CIB1: variants seen among roughly 807,000 people sequenced by gnomAD.
CIB1 encodes the protein calcium and integrin-binding protein 1.
A neutral mutation model predicts 25.0 loss-of-function variants in CIB1; 19 were observed. The observed-to-expected ratio is 0.76, with a 90% CI of 0.53 to 1.12. The LOEUF is 1.12. Among genes scored for constraint, CIB1 ranks in the 50% most tolerant of loss-of-function variants. The probability of loss-of-function intolerance (pLI) is 0.00; values close to 1 mark genes in which losing one functional copy is unlikely to be tolerated. For synonymous variants in CIB1, 104 were observed against 98.5 expected, an observed-to-expected ratio of 1.06 and a Z score of -0.33; for missense variants, 236 against 242.6, an observed-to-expected ratio of 0.97 and a Z score of 0.18.
the CIB1 span, among the ~76,000 whole-genome samples, chr15:90,256,597 CTTTCTTTCT>C: frequency 4.0e-4 from 14 of 35,270 alleles, no homozygotes; most frequent in Admixed American, 2.9e-3. Flanking sequence ...TTCTTTCTTT[CTTTCTTTCT>C]TTCCTTCCTT....
chr15:90,250,726 C>G, the CIB1 span: 1 of 1,614,176 alleles, frequency 6.2e-7, no homozygotes. Context: ...TTACCAACCC[C>G]TCTAACTCTT....
intron 6 of CIB1, among the ~76,000 whole-genome samples, 194 bp downstream of exon 6, chr15:90,230,740 C>T (rs886564847): frequency 2.0e-5 from 3 of 151,106 alleles, no homozygotes; most frequent in Non-Finnish European, 4.4e-5. Context: ...ATGACAATGG[C>T]AGTGGGAAGG....
At chr15:90,231,536 C>T in intron 3 of CIB1, 29 bp from the exon 4 acceptor site, 2 of 1,608,808 alleles carry the variant, frequency 1.2e-6, no homozygotes, top group South Asian at 2.2e-5. Context: ...CAGGACGTGG[C>T]CCAGGTCACA....
Position 90,233,855 on chromosome 15 carries a change from C to A in CIB1, c.31G>T (p.Glu11Ter), listed in dbSNP as rs1596173484. Reference sequence around the variant, plus strand: ...CGCACCTGGTACTCGGCCAGCAGCTCCTTGGACAGGCGACTGCCCGAGCCC... The same window carrying A: ...CGCACCTGGTACTCGGCCAGCAGCTACTTGGACAGGCGACTGCCCGAGCCC... The part of the protein sequence containing the change: MGGSGSRLSK[E>*]LLAEYQDLTF... Residue 11 changes from glutamate to a stop codon, truncating the protein, a stop_gained, in exon 1 of 7, where the codon GAG (glutamate) becomes TAG (stop). Transcript: ENST00000328649. LOFTEE classifies it high-confidence loss of function. 3 of 1,525,272 alleles carry A rather than the reference C, an allele frequency of 2.0e-6. No homozygotes were observed. The highest frequency in any genetic ancestry group is 2.5e-5 in the East Asian group (1 of 40,742). 94.5% of individuals were successfully genotyped at this position (1,525,272 alleles called of 1,614,324 possible). A position where few individuals can be genotyped will look rare whatever the true frequency, so the allele number is the denominator to read the frequency against.
At chr15:90,264,544 A>T in the CIB1 span, among the ~76,000 whole-genome samples, 1 of 152,200 alleles carries the variant, frequency 6.6e-6, no homozygotes, top group Non-Finnish European at 1.5e-5. Context: ...TCAAGAGGTA[A>T]TAGGAACATG....
chr15:90,252,065 G>C, the CIB1 span, among the ~76,000 whole-genome samples: 1 of 87,506 alleles, frequency 1.1e-5, no homozygotes, highest in Non-Finnish European at 2.5e-5. Context: ...TTGAGACCGA[G>C]TTTTGCTCTT....
the CIB1 span, among the ~76,000 whole-genome samples, chr15:90,253,806 C>G: frequency 6.6e-6 from 1 of 152,156 alleles, no homozygotes; most frequent in Admixed American, 6.5e-5. Flanking sequence ...AATGATCCAC[C>G]GGGGTCCACA....
chr15:90,262,730 G>C, the CIB1 span: 1 of 1,404,494 alleles, frequency 7.1e-7, no homozygotes, highest in East Asian at 2.5e-5. Flanking sequence ...CAACTAGATA[G>C]GGGAATGAAT....
chr15:90,230,230 A>G lies in CIB1; in HGVS notation c.*254T>C, dbSNP rs556135608. 1.8e-6 allele frequency: 1 copy of G among 560,024 alleles called. No homozygotes were observed. Among genetic ancestry groups the G allele is most frequent in the East Asian group, 3.0e-5 (1 of 33,272 alleles). 34.7% of individuals were successfully genotyped at this position (560,024 alleles called of 1,614,324 possible). A position where few individuals can be genotyped will look rare whatever the true frequency, so the allele number is the denominator to read the frequency against. ...GTCCAGTCCTTCCTCATACCAGTGT[A>G]TCTCATGTCACACATAGGGTCAAAC... On this transcript the variant is annotated 3_prime_UTR_variant, in exon 7 of 7. Transcript: ENST00000328649.
At chr15:90,239,312 T>C in the CIB1 span, among the ~76,000 whole-genome samples, 1 of 137,500 alleles carries the variant, frequency 7.3e-6, no homozygotes, top group South Asian at 2.1e-4. Context: ...AAAATGTGTG[T>C]GTGTGTGTGT....
the CIB1 span, chr15:90,262,578 G>A: frequency 1.3e-6 from 2 of 1,534,778 alleles, no homozygotes; most frequent in African/African-American, 1.4e-5. Flanking sequence ...CAGAACCAGG[G>A]TGAATCAGCT....
the CIB1 span, chr15:90,264,759 T>A: frequency 6.5e-7 from 1 of 1,535,874 alleles, no homozygotes; most frequent in African/African-American, 1.4e-5. Flanking sequence ...ATAAACCGAG[T>A]CCTGGCAGGA....
chr15:90,264,659 A>G, the CIB1 span: 1 of 1,509,448 alleles, frequency 6.6e-7, no homozygotes, highest in Admixed American at 2.0e-5. Context: ...ACAGTTGGGA[A>G]AGAGGTGAAC....
At chr15:90,255,958 T>C in the CIB1 span, 2 of 1,607,298 alleles carry the variant, frequency 1.2e-6, no homozygotes, top group Non-Finnish European at 1.7e-6. Context: ...TCTGGTCTTG[T>C]GACCTAGGAA....
chr15:90,256,188 A>AT, the CIB1 span: 1 of 1,614,178 alleles, frequency 6.2e-7, no homozygotes, highest in East Asian at 2.2e-5. Flanking sequence ...GCCCGCACAT[A>AT]TATCTGCAAG....
the CIB1 span, chr15:90,251,712 C>T: frequency 1.0e-4 from 117 of 1,118,142 alleles, no homozygotes; most frequent in Non-Finnish European, 1.5e-4. Context: ...GGCGGGCTTG[C>T]CTCTAACCTG....
At chr15:90,259,298 G>A in the CIB1 span, among the ~76,000 whole-genome samples, 1 of 152,028 alleles carries the variant, frequency 6.6e-6, no homozygotes, top group Non-Finnish European at 1.5e-5. Context: ...GCTGAGGTGG[G>A]ATGGTTACTT....
At chr15:90,240,005 C>T in the CIB1 span, among the ~76,000 whole-genome samples, 1 of 152,036 alleles carries the variant, frequency 6.6e-6, no homozygotes, top group Non-Finnish European at 1.5e-5. Context: ...GGGTGGATCA[C>T]CTGAGGTCAG....
the CIB1 span, chr15:90,255,981 A>T: frequency 6.3e-7 from 1 of 1,586,350 alleles, no homozygotes; most frequent in African/African-American, 1.4e-5. Context: ...TCTCAGAGGG[A>T]TGGAAGTGGA....
Sources: allele counts gnomAD v4.1 joint callset (sites outside exome capture counted in the v4.1 genomes callset), GRCh38; gene constraint gnomAD v4.1.1; transcripts MANE v1.5; gene names NCBI Gene and HGNC (gene_info 2026-07-23, HGNC 2026-07-21).